Variants in ZNF236 observed in about 807,000 individuals in gnomAD.
ZNF236 encodes the protein zinc finger protein 236.
A neutral mutation model predicts 191.2 loss-of-function variants in ZNF236; 50 were observed. The observed-to-expected ratio is 0.26, with a 90% CI of 0.21 to 0.33. The LOEUF (loss-of-function observed/expected upper bound fraction) is 0.33, where lower values mean the gene tolerates loss of function less well. ZNF236 is among the 10% of genes least tolerant of loss of function. ZNF236 has a pLI of 1.00. For synonymous variants in ZNF236, 907 were observed against 928.8 expected (o/e 0.98, Z 0.43); for missense variants, 1,754 against 2,374.5 (o/e 0.74, Z 5.43).
chr18:76,846,619 A>C (rs557515324), intron 1 of ZNF236, among the ~76,000 whole-genome samples: 2 of 152,296 alleles, frequency 1.3e-5, no homozygotes, highest in South Asian at 4.1e-4. Context: ...CTTTAATTTG[A>C]ATTACTGTTT....
chr18:76,925,034 A>C lies in ZNF236; in HGVS notation c.3662-155A>C, dbSNP rs575680923. Among the ~76,000 whole-genome samples, 8 of 152,330 alleles carry C rather than the reference A, an allele frequency of 5.3e-5. No homozygotes were observed. In the East Asian group the frequency reaches 1.3e-3, roughly 26 times the overall value. On this transcript the variant is annotated intron_variant, in intron 21 of 30. Transcript: ENST00000320610. This position sits in a 1 kb window ranked among gnomAD's most constrained non-coding sequence, Gnocchi z 5.7. ...TACAATACTGCAGCAATTGCCTGTG[A>C]CGTCCGTAACATCTTATAGGTGAAA...
intron 3 of ZNF236, among the ~76,000 whole-genome samples, chr18:76,866,760 GA>G (rs1409724199): frequency 2.6e-5 from 4 of 152,196 alleles, no homozygotes; most frequent in African/African-American, 9.7e-5. Context: ...AGTGGCCTGT[GA>G]CTATACATGG....
chr18:76,938,198 A>G (rs1052983583), intron 26 of ZNF236, among the ~76,000 whole-genome samples: 9 of 151,874 alleles, frequency 5.9e-5, no homozygotes, highest in Non-Finnish European at 1.3e-4. Context: ...GAGACCAGTC[A>G]GGGCAACGTG....
At chr18:76,874,417 T>C (rs1976660934) in intron 5 of ZNF236, among the ~76,000 whole-genome samples, 1 of 152,026 alleles carries the variant, frequency 6.6e-6, no homozygotes, top group South Asian at 2.1e-4. Context: ...GTCTTTTTGC[T>C]CATTCCTTCA....
chr18:76,894,914 G>C, intron 9 of ZNF236, 99 bp from the exon 10 acceptor site: 1 of 1,487,664 alleles, frequency 6.7e-7, no homozygotes, highest in Non-Finnish European at 9.1e-7. Flanking sequence ...TCCCATAACT[G>C]ATCATGCGTG....
chr18:76,915,512 T>TA (rs1395959359), intron 18 of ZNF236, 135 bp from the exon 19 acceptor site: 2 of 753,214 alleles, frequency 2.7e-6, no homozygotes, highest in East Asian at 2.7e-5. Context: ...TTTTTTTTTT[T>TA]AACCAAAGTC....
intron 15 of ZNF236, 74 bp from the exon 16 acceptor site, chr18:76,910,586 A>G (rs1967190928): frequency 1.4e-6 from 2 of 1,456,504 alleles, no homozygotes; most frequent in African/African-American, 2.9e-5. Context: ...TTTTAAATTT[A>G]TAAACCTTTT....
At chr18:76,966,507 C>T (rs1335595239) in intron 30 of ZNF236, among the ~76,000 whole-genome samples, 2 of 152,184 alleles carry the variant, frequency 1.3e-5, no homozygotes, top group Non-Finnish European at 2.9e-5. Context: ...CTGTAGGGGC[C>T]TTCAGCACCT....
intron 3 of ZNF236, among the ~76,000 whole-genome samples, chr18:76,855,523 A>G (rs1311826558): frequency 6.6e-6 from 1 of 152,196 alleles, no homozygotes; most frequent in East Asian, 1.9e-4. Flanking sequence ...TCTTAAGTGT[A>G]ATTCCACATC....
At chr18:76,896,268 G>A in intron 10 of ZNF236, among the ~76,000 whole-genome samples, 1 of 149,284 alleles carries the variant, frequency 6.7e-6, no homozygotes, top group Non-Finnish European at 1.5e-5. Context: ...ACTGCACACA[G>A]GTACCAAACA....
At chr18:76,860,444 T>A (rs1976180907) in intron 3 of ZNF236, among the ~76,000 whole-genome samples, 1 of 152,158 alleles carries the variant, frequency 6.6e-6, no homozygotes, top group Non-Finnish European at 1.5e-5. Context: ...CATTCGCAGA[T>A]GTTCTAAAGT....
At chr18:76,895,476 C>A in intron 10 of ZNF236, 191 bp downstream of exon 10, 1 of 766,844 alleles carries the variant, frequency 1.3e-6, no homozygotes, top group Non-Finnish European at 2.1e-6. Context: ...GCAGCACCCA[C>A]ACCGGTACTG....
At chr18:76,864,534 C>T (rs1976346953) in intron 3 of ZNF236, among the ~76,000 whole-genome samples, 1 of 152,012 alleles carries the variant, frequency 6.6e-6, no homozygotes, top group Non-Finnish European at 1.5e-5. Flanking sequence ...CACACACGCA[C>T]ATGTGTTTGT....
At chr18:76,928,159 A>G in intron 25 of ZNF236, 53 bp downstream of exon 25, 1 of 1,399,982 alleles carries the variant, frequency 7.1e-7, no homozygotes, top group South Asian at 1.4e-5. Flanking sequence ...TAAGTACTGT[A>G]TATCTTACTA....
rs1458459559 is a variant in ZNF236 at position 76,881,524 on chromosome 18, A to G, written c.1417+12A>G. On this transcript the variant is annotated intron_variant, in intron 9 of 30. Transcript: ENST00000320610. The stretch of plus-strand genomic sequence containing the variant: ...ACCGTTTCTACCTGGTAATTTTCCT[A>G]AACTTTAAAGTTTGGACATTTGGGA... 2 of 1,604,876 alleles carry G rather than the reference A, an allele frequency of 1.2e-6. No individual in the cohort carries two copies. Among genetic ancestry groups the G allele is most frequent in the South Asian group, 1.1e-5 (1 of 89,204 alleles).
chr18:76,948,831 C>T (rs1292629597), intron 27 of ZNF236, among the ~76,000 whole-genome samples: 23 of 152,208 alleles, frequency 1.5e-4, no homozygotes, highest in African/African-American at 1.2e-4. Flanking sequence ...CCAGGTCAAA[C>T]GGATGCAGTG....
intron 3 of ZNF236, 108 bp downstream of exon 3, chr18:76,852,047 A>G (rs1975893651): frequency 8.6e-7 from 1 of 1,159,754 alleles, no homozygotes; most frequent in Non-Finnish European, 1.2e-6. Flanking sequence ...CCTTTTGTGT[A>G]GATTTCAAGG....
chr18:76,822,948 C>G (rs1035329591), intron 1 of ZNF236, among the ~76,000 whole-genome samples: 1 of 148,330 alleles, frequency 6.7e-6, no homozygotes, highest in Non-Finnish European at 1.5e-5. Context: ...AGGCGGCCGC[C>G]TCCTGCGCGC....
chr18:76,824,080 C>G (rs1974949109), intron 1 of ZNF236: 2 of 528,548 alleles, frequency 3.8e-6, no homozygotes, highest in Non-Finnish European at 6.8e-6. Flanking sequence ...CAAGTGTTCC[C>G]CTTTTCTTGG....
Sources: gnomAD v4.1 joint callset for allele counts (sites outside exome capture counted in the v4.1 genomes callset) on GRCh38, gnomAD v4.1.1 for gene constraint, Gnocchi (gnomAD v3.1) non-coding constraint, MANE v1.5 for transcripts, NCBI Gene and HGNC (gene_info 2026-07-23, HGNC 2026-07-21) for gene names.